The following MYO15A variants were observed in gnomAD, a reference collection of about 807,000 sequenced individuals.
MYO15A encodes the protein myosin XVA.
MYO15A carries 308 observed loss-of-function variants against 394.6 expected under a neutral mutation model. The ratio of observed to expected loss-of-function variants is 0.78; its 90% CI spans 0.71 to 0.86. MYO15A has a LOEUF of 0.86. Among genes scored for constraint, MYO15A ranks in the 40% least tolerant of loss-of-function variants. The pLI is 0.00. For missense variants in MYO15A, 4,606 were observed against 4,799.1 expected (o/e 0.96, Z 1.19); for synonymous variants, 1,957 against 2,003.8 (o/e 0.98, Z 0.62).
chr17:18,144,552 C>T lies in MYO15A; in HGVS notation c.6233C>T (p.Pro2078Leu). The change falls in exon 29 of 66, where the codon CCA becomes CTA. Residue 2078 changes from proline (P) to leucine (L), a missense_variant. By Grantham distance (98) the Pro-to-Leu change is moderately conservative. Around this residue, in one of 2 missense-constraint regions of MYO15A, gnomAD observed 2,776 missense variants for 3,109.3 expected, o/e 0.89. Transcript: ENST00000647165. Reference protein sequence around the residue: ...VPLRTPLTQLPAEHHAEAVSI... With the variant: ...VPLRTPLTQLLAEHHAEAVSI... ...CTGAGGACACCCCTCACGCAGCTGC[C>T]AGCCGAGCACCATGCAGAAGCCGTG... 6.2e-7 allele frequency: 1 copy of T among 1,613,230 alleles called. No individual in the cohort carries two copies. Among genetic ancestry groups the T allele is most frequent in the Non-Finnish European group, 8.5e-7 (1 of 1,180,024 alleles).
At chr17:18,169,504 G>T (rs1162452254) in intron 62 of MYO15A, 3 of 151,988 alleles carry the variant, frequency 2.0e-5, no homozygotes, top group Admixed American at 6.6e-5. Flanking sequence ...GGGCATGGTG[G>T]TGCACGCCTG....
chr17:18,170,960 AAAG>A (rs1430907389), intron 62 of MYO15A, among the ~76,000 whole-genome samples: 1 of 152,324 alleles, frequency 6.6e-6, no homozygotes, highest in South Asian at 2.1e-4. Context: ...CCAGCAGTGG[AAAG>A]AAGGACAGAT....
chr17:18,161,906 A>G (rs539213052), intron 57 of MYO15A, among the ~76,000 whole-genome samples: 50 of 151,638 alleles, frequency 3.3e-4, no homozygotes, highest in African/African-American at 1.1e-3. Context: ...AGGGGGGGCC[A>G]CTCTTCAGCG....
chr17:18,154,127 G>A lies in MYO15A; in HGVS notation c.8089-4G>A, dbSNP rs749509529. On this transcript the variant is annotated splice_region_variant and splice_polypyrimidine_tract_variant and intron_variant, in intron 43 of 65. Coordinates refer to ENST00000647165, the MANE Select transcript of MYO15A (RefSeq NM_016239.4). ...CAGTACCCACTGAAGCCCCGCCCCT[G>A]CAGGTGTTTTACCCCAAGGACAGCT... The A allele has an allele frequency of 9.9e-6, 16 of 1,614,012 alleles. No individual in the cohort carries two copies. Among genetic ancestry groups the A allele is most frequent in the Non-Finnish European group, 1.0e-5 (12 of 1,180,026 alleles).
At chr17:18,111,123 G>C (rs995596611) in intron 1 of MYO15A, among the ~76,000 whole-genome samples, 1 of 152,148 alleles carries the variant, frequency 6.6e-6, no homozygotes, top group Non-Finnish European at 1.5e-5. Context: ...AATATTGCCC[G>C]GGGGCAAGGA....
chr17:18,113,447 T>C (rs1473323559), intron 1 of MYO15A, among the ~76,000 whole-genome samples: 3 of 152,062 alleles, frequency 2.0e-5, no homozygotes, highest in Non-Finnish European at 4.4e-5. Context: ...ATTTCTAATA[T>C]GGAAATAAAA....
chr17:18,161,562 T>C, intron 57 of MYO15A, 115 bp downstream of exon 57: 4 of 1,444,068 alleles, frequency 2.8e-6, no homozygotes, highest in Non-Finnish European at 3.8e-6. Flanking sequence ...TGCTGAGCAA[T>C]GTTTACCAAT....
chr17:18,138,991 G>A (rs1014377236), intron 18 of MYO15A, 55 bp downstream of exon 18: 15 of 1,583,508 alleles, frequency 9.5e-6, no homozygotes, highest in Admixed American at 5.4e-5. Flanking sequence ...GCTAGCTGTT[G>A]GAGACACAGA....
chr17:18,159,526 G>T, intron 54 of MYO15A, 80 bp from the exon 55 acceptor site: 1 of 1,547,760 alleles, frequency 6.5e-7, no homozygotes, highest in Non-Finnish European at 8.9e-7. Context: ...TCCCAGGGAG[G>T]GGCTCAGCCC....
chr17:18,164,283 G>T, intron 60 of MYO15A: 1 of 250,078 alleles, frequency 4.0e-6, no homozygotes, highest in South Asian at 4.4e-5. Flanking sequence ...AGGGCTCCTG[G>T]GACCCTAGGT....
intron 18 of MYO15A, 135 bp downstream of exon 18, chr17:18,139,071 C>A: frequency 7.4e-7 from 1 of 1,342,774 alleles, no homozygotes; most frequent in Non-Finnish European, 1.0e-6. Flanking sequence ...AGCTCTGTGA[C>A]CTTGAGCAAA....
chr17:18,133,104 T>A (rs1311139168), intron 11 of MYO15A, 121 bp from the exon 12 acceptor site: 11 of 995,160 alleles, frequency 1.1e-5, no homozygotes, highest in Non-Finnish European at 1.7e-5. Context: ...CCCATGAGAG[T>A]GAAATGACAG....
At chr17:18,156,002 T>C (rs2046668510) in intron 47 of MYO15A, 193 bp from the exon 48 acceptor site, 2 of 742,644 alleles carry the variant, frequency 2.7e-6, no homozygotes, top group Admixed American at 2.2e-5. Flanking sequence ...CAAAGGGTGG[T>C]AGGAACTGAG....
In MYO15A at chr17:18,122,080, A is replaced by C. The variant is rs764161170; in HGVS notation, c.3280A>C (p.Ile1094Leu). The C allele has an allele frequency of 6.2e-7, 1 of 1,612,770 alleles. No homozygotes were observed. Among genetic ancestry groups the C allele is most frequent in the Non-Finnish European group, 8.5e-7 (1 of 1,179,912 alleles). Residue 1094 changes from isoleucine (I) to leucine (L), a missense_variant, in exon 2 of 66, where the codon ATC (isoleucine) becomes CTC (leucine). Around this residue, in one of 2 missense-constraint regions of MYO15A, gnomAD observed 1,830 missense variants for 1,689.7 expected, o/e 1.08. Transcript: ENST00000647165. ...CCAAGCCGCAGCCCCCTTGGCGCCC[A>C]TCAGGGCCCCAGAGCCCCTGCCCAA... ...LPQAAAPLAP[I>L]RAPEPLPKGG...
In MYO15A at chr17:18,121,199, C is replaced by T. The variant is rs1414312635; in HGVS notation, c.2399C>T (p.Ser800Phe). Residue 800 changes from serine to phenylalanine, a missense_variant, in exon 2 of 66, where the codon TCC becomes TTC. By Grantham distance (155) the Ser-to-Phe change is radical. Around this residue, in one of 2 missense-constraint regions of MYO15A, gnomAD observed 1,830 missense variants for 1,689.7 expected, o/e 1.08. Coordinates refer to ENST00000647165, the MANE Select transcript of MYO15A (RefSeq NM_016239.4). This position sits in a 1 kb window ranked among gnomAD's most constrained non-coding sequence, Gnocchi z 5.3. The stretch of plus-strand genomic sequence containing the variant: ...TTGGCGCCCCCGTCGCCTCAGCTGT[C>T]CTTGCGCACGGGCCCCTTCCAGCCG... The part of the protein sequence containing the change: ...SPLAPPSPQL[S>F]LRTGPFQPPF... The T allele has an allele frequency of 6.6e-7, 1 of 1,505,974 alleles. No individual in the cohort carries two copies. The highest frequency in any genetic ancestry group is 1.4e-5 in the African/African-American group (1 of 69,080). The allele number at this position is 1,505,974 out of a possible 1,614,324, so 93.3% of individuals were successfully genotyped here.
chr17:18,168,032 A>C (rs941523221), intron 62 of MYO15A, among the ~76,000 whole-genome samples: 1 of 152,254 alleles, frequency 6.6e-6, no homozygotes, highest in African/African-American at 2.4e-5. Context: ...GTAGCTATGC[A>C]GAAAGATTCA....
Position 18,147,466 on chromosome 17 carries a change from G to C in MYO15A, c.6510-563G>C, listed in dbSNP as rs138395799. Among the ~76,000 whole-genome samples, 1 of 152,194 alleles carries C rather than the reference G, an allele frequency of 6.6e-6. No homozygotes were observed. The highest frequency in any genetic ancestry group is 2.4e-5 in the African/African-American group (1 of 41,426). ...CTTAGCTGCAGGAGATGTAGGATGT[G>C]GGGGTGAGGGAAGCATGAGGAATGG... is the stretch of plus-strand genomic sequence containing the variant. On this transcript the variant is annotated intron_variant, in intron 30 of 65. Transcript: ENST00000647165. The surrounding 1 kb of genome is among the most constrained non-coding windows in gnomAD (Gnocchi z 4.4).
Position 18,157,913 on chromosome 17 carries a change from TGGGTG to T in MYO15A, c.8967+22_8967+26del. ...CCGCAGGAGAGAGGTGAGACCAGTGTGGGTGGGGTGGGGCGGGGTAGACCAGGGGG... is the reference window on the plus strand; with the variant it reads ...CCGCAGGAGAGAGGTGAGACCAGTGTGGGTGGGGCGGGGTAGACCAGGGGG... On this transcript the variant is annotated intron_variant, in intron 51 of 65. Coordinates refer to ENST00000647165, the MANE Select transcript of MYO15A (RefSeq NM_016239.4). The T allele has an allele frequency of 2.8e-5, 2 of 71,794 alleles. No individual in the cohort carries two copies. Among genetic ancestry groups the T allele is most frequent in the Non-Finnish European group, 4.5e-5 (2 of 44,362 alleles). 4.4% of individuals were successfully genotyped at this position (71,794 alleles called of 1,614,324 possible). A position where few individuals can be genotyped will look rare whatever the true frequency, so the allele number is the denominator to read the frequency against.
intron 4 of MYO15A, among the ~76,000 whole-genome samples, chr17:18,125,823 C>T (rs969222178): frequency 6.6e-6 from 1 of 150,958 alleles, no homozygotes; most frequent in Non-Finnish European, 1.5e-5. Context: ...ACAGATAGAA[C>T]TTCCAGAGTC....
Sources: allele counts gnomAD v4.1 joint callset (sites outside exome capture counted in the v4.1 genomes callset), GRCh38; gene constraint gnomAD v4.1.1; regional missense constraint gnomAD v4.1.1; non-coding constraint Gnocchi (gnomAD v3.1); transcripts MANE v1.5; gene names NCBI Gene and HGNC (gene_info 2026-07-23, HGNC 2026-07-21).